NCAN: variants seen among roughly 807,000 people sequenced by gnomAD.
The protein encoded by NCAN is neurocan.
NCAN carries 47 observed loss-of-function variants against 121.8 expected under a neutral mutation model. The ratio of observed to expected loss-of-function variants is 0.39; its 90% CI spans 0.31 to 0.49. NCAN has a LOEUF of 0.49. Ranked by LOEUF, NCAN falls within the 20% of genes least tolerant of loss-of-function variation. NCAN has a pLI of 0.92. For synonymous variants in NCAN, 633 were observed against 702.0 expected, an observed-to-expected ratio of 0.90 and a Z score of 1.55; for missense variants, 1,517 against 1,773.4, an observed-to-expected ratio of 0.86 and a Z score of 2.60.
rs1159157202 is a variant in NCAN, at chr19:19,228,145, G to A, written c.2525G>A (p.Gly842Glu). ...TVTPAPSDASGIWEPGSQVFE... is the reference protein window; with the variant it reads ...TVTPAPSDASEIWEPGSQVFE... ...ACGCCGGCCCCCAGTGATGCTAGTG[G>A]AATTTGGGAACCTGGATCCCAGGTG... Residue 842 changes from glycine to glutamate, a missense_variant, in exon 8 of 15, where the codon GGA becomes GAA. Transcript: ENST00000252575. 10 of 1,613,672 alleles carry A rather than the reference G, an allele frequency of 6.2e-6. No individual in the cohort carries two copies. Among genetic ancestry groups the A allele is most frequent in the Non-Finnish European group, 7.6e-6 (9 of 1,180,046 alleles).
At position 19,227,743 on chromosome 19, in the gene NCAN, C is replaced by A. The variant is rs1568597575; in HGVS notation, c.2123C>A (p.Thr708Asn). ...PESPRADFRE[T>N]GETSPAQVNK... Reference sequence around the variant, plus strand: ...TCCCCCAGGGCAGACTTCAGAGAAACTGGGGAGACCAGCCCTGCTCAGGTC... The same window carrying A: ...TCCCCCAGGGCAGACTTCAGAGAAAATGGGGAGACCAGCCCTGCTCAGGTC... The change falls in exon 8 of 15, where the codon ACT becomes AAT. Residue 708 changes from threonine (T) to asparagine (N), a missense_variant. Coordinates refer to ENST00000252575, the MANE Select transcript of NCAN (RefSeq NM_004386.3). This position sits in a 1 kb window ranked among gnomAD's most constrained non-coding sequence, Gnocchi z 4.2. The A allele has an allele frequency of 6.2e-7, 1 of 1,613,862 alleles. No homozygotes were observed. Among genetic ancestry groups the A allele is most frequent in the Non-Finnish European group, 8.5e-7 (1 of 1,180,030 alleles).
Position 19,242,387 on chromosome 19 carries a change from TCAAA to T in NCAN, c.3492+1707_3492+1710del, listed in dbSNP as rs904887173. ...CTGGGTGACAGAGCAAGACCCTGTC[TCAAA>T]CAAAACAAAACAGGCCAGGCGTGGT... On this transcript the variant is annotated intron_variant, in intron 12 of 14. Transcript: ENST00000252575. Among the ~76,000 whole-genome samples, 102 of 151,542 alleles carry T rather than the reference TCAAA, an allele frequency of 6.7e-4. 1 individual carries two copies. The highest frequency in any genetic ancestry group is 2.3e-3 in the African/African-American group (96 of 41,278).
Position 19,225,050 on chromosome 19 carries a change from T to G in NCAN, c.852T>G (p.Gly284=), listed in dbSNP as rs1599811785. 1 of 1,510,658 alleles carries G rather than the reference T, an allele frequency of 6.6e-7. No homozygotes were observed. Among genetic ancestry groups the G allele is most frequent in the East Asian group, 2.6e-5 (1 of 38,352 alleles). The allele number at this position is 1,510,658 out of a possible 1,614,324, so 93.6% of individuals were successfully genotyped here. Residue 284 remains glycine (G), a synonymous_variant, in exon 6 of 15, where the codon GGT becomes GGG. Transcript: ENST00000252575. This position sits in a 1 kb window ranked among gnomAD's most constrained non-coding sequence, Gnocchi z 4.0. The part of the protein sequence containing the change: ...AGARAQCRRQ[G]AALASVGQLH... ...CGCGTGCACAGTGCCGCCGCCAGGGTGCCGCGCTGGCCTCGGTGGGACAGC... is the reference window on the plus strand; with the variant it reads ...CGCGTGCACAGTGCCGCCGCCAGGGGGCCGCGCTGGCCTCGGTGGGACAGC...
intron 8 of NCAN, among the ~76,000 whole-genome samples, chr19:19,231,633 A>G (rs1318186966): frequency 1.3e-5 from 2 of 151,974 alleles, no homozygotes; most frequent in East Asian, 3.9e-4. Context: ...TGGCCGGAAA[A>G]CAGAGCTTCT....
intron 3 of NCAN, among the ~76,000 whole-genome samples, chr19:19,223,411 G>C (rs759363913): frequency 3.3e-5 from 5 of 152,020 alleles, no homozygotes; most frequent in Non-Finnish European, 4.4e-5. Context: ...TCCTCCTCTA[G>C]AACAATCAGA....
chr19:19,243,996 A>G (rs1396485489), intron 12 of NCAN, among the ~76,000 whole-genome samples: 1 of 152,154 alleles, frequency 6.6e-6, no homozygotes, highest in African/African-American at 2.4e-5. Context: ...GCACCACTAC[A>G]CTCCAGCCTG....
chr19:19,251,411 T>C lies in NCAN; in HGVS notation c.*1500T>C, dbSNP rs922818506. 1.3e-5 allele frequency: 2 copies of C among 152,232 alleles called. No individual in the cohort carries two copies. Among genetic ancestry groups the C allele is most frequent in the Non-Finnish European group, 2.9e-5 (2 of 68,044 alleles). 9.4% of individuals were successfully genotyped at this position (152,232 alleles called of 1,614,324 possible). A position where few individuals can be genotyped will look rare whatever the true frequency, so the allele number is the denominator to read the frequency against. On this transcript the variant is annotated 3_prime_UTR_variant, in exon 15 of 15. Transcript: ENST00000252575. ...AGCCCATTGACTTAGAAACTGTTAC[T>C]TTCCCATTTTACACACAGTGAAACT...
chr19:19,245,266 C>A, intron 12 of NCAN, 47 bp from the exon 13 acceptor site: 1 of 1,603,186 alleles, frequency 6.2e-7, no homozygotes, highest in South Asian at 1.1e-5. Flanking sequence ...AGAACCTGGG[C>A]TGGAACAGAG....
intron 11 of NCAN, among the ~76,000 whole-genome samples, chr19:19,239,439 C>T (rs1297566193): frequency 2.3e-5 from 3 of 130,192 alleles, no homozygotes; most frequent in Non-Finnish European, 3.3e-5. Context: ...TCCCTCTTCC[C>T]CATCCTCCCT....
intron 3 of NCAN, among the ~76,000 whole-genome samples, chr19:19,222,151 C>T (rs188766463): frequency 3.3e-5 from 5 of 152,296 alleles, no homozygotes; most frequent in Non-Finnish European, 7.3e-5. Flanking sequence ...GTCAACCAGT[C>T]ATCCCCTTTC....
chr19:19,226,578 G>C lies in NCAN; in HGVS notation c.1165G>C (p.Glu389Gln), dbSNP rs1317147156. 6.2e-7 allele frequency: 1 copy of C among 1,613,696 alleles called. No individual in the cohort carries two copies. Among genetic ancestry groups the C allele is most frequent in the African/African-American group, 1.3e-5 (1 of 74,926 alleles). Residue 389 changes from glutamate to glutamine, a missense_variant, in exon 7 of 15, where the codon GAA becomes CAA. Coordinates refer to ENST00000252575, the MANE Select transcript of NCAN (RefSeq NM_004386.3). ...ILSAEGPPVR[E>Q]LEPTLEEEEV... ...GTCAGCAGAGGGGCCCCCAGTTAGAGAACTGGAGCCCACCCTGGAGGAGGA... is the reference window on the plus strand; with the variant it reads ...GTCAGCAGAGGGGCCCCCAGTTAGACAACTGGAGCCCACCCTGGAGGAGGA...
chr19:19,227,779 A>C lies in NCAN; in HGVS notation c.2159A>C (p.Glu720Ala). ...ETSPAQVNKA[E>A]HSSSSPWPSV... ...AGCCCTGCTCAGGTCAACAAAGCTG[A>C]GCACTCCAGCTCCAGCCCATGGCCT... The change falls in exon 8 of 15, where the codon GAG becomes GCG. Residue 720 changes from glutamate to alanine, a missense_variant. Glu to Ala is a moderately radical substitution (Grantham distance 107). Coordinates refer to ENST00000252575, the MANE Select transcript of NCAN (RefSeq NM_004386.3). The surrounding 1 kb of genome is among the most constrained non-coding windows in gnomAD (Gnocchi z 4.2). 1 of 1,613,684 alleles carries C rather than the reference A, an allele frequency of 6.2e-7. No homozygotes were observed. The highest frequency in any genetic ancestry group is 8.5e-7 in the Non-Finnish European group (1 of 1,180,002).
At chr19:19,239,246 C>T (rs943259745) in intron 11 of NCAN, among the ~76,000 whole-genome samples, 7 of 151,988 alleles carry the variant, frequency 4.6e-5, no homozygotes, top group Non-Finnish European at 7.4e-5. Flanking sequence ...CCATGCCTCA[C>T]CCCCCTAAAA....
chr19:19,245,548 G>C (rs552212379), intron 13 of NCAN, 91 bp downstream of exon 13: 2 of 1,437,952 alleles, frequency 1.4e-6, no homozygotes, highest in East Asian at 4.8e-5. Flanking sequence ...CATAATCATG[G>C]CTCATCACAG....
chr19:19,226,863 A>G lies in NCAN; in HGVS notation c.1450A>G (p.Lys484Glu). 6.2e-7 allele frequency: 1 copy of G among 1,612,956 alleles called. No individual in the cohort carries two copies. Among genetic ancestry groups the G allele is most frequent in the Non-Finnish European group, 8.5e-7 (1 of 1,179,816 alleles). Reference protein sequence around the residue: ...DPMPRRRGRFKGLNGRYFQQQ... With the variant: ...DPMPRRRGRFEGLNGRYFQQQ... ...TATGCCTAGGAGAAGGGGGCGCTTC[A>G]AAGGGTTGAATGGGCGCTACTTCCA... The change falls in exon 7 of 15, where the codon AAA becomes GAA. Residue 484 changes from lysine (K) to glutamate (E), a missense_variant. By Grantham distance (56) the Lys-to-Glu change is moderately conservative. Coordinates refer to ENST00000252575, the MANE Select transcript of NCAN (RefSeq NM_004386.3).
intron 5 of NCAN, 30 bp from the exon 6 acceptor site, chr19:19,224,947 C>A (rs2060829871): frequency 7.3e-7 from 1 of 1,375,644 alleles, no homozygotes; most frequent in African/African-American, 1.5e-5. Flanking sequence ...GTTCCCCAGC[C>A]CCCCTGACCT....
intron 8 of NCAN, 95 bp downstream of exon 8, chr19:19,228,734 C>G: frequency 2.2e-6 from 3 of 1,381,782 alleles, no homozygotes; most frequent in Non-Finnish European, 2.9e-6. Flanking sequence ...GAATGGTTGT[C>G]CCTGGGGATC....
chr19:19,231,696 T>G (rs1261032979), intron 8 of NCAN, among the ~76,000 whole-genome samples: 2 of 152,004 alleles, frequency 1.3e-5, no homozygotes, highest in Non-Finnish European at 2.9e-5. Flanking sequence ...AAAAAGTACA[T>G]GAGGCCGGGC....
chr19:19,243,308 G>A (rs2060910538), intron 12 of NCAN, among the ~76,000 whole-genome samples: 1 of 151,774 alleles, frequency 6.6e-6, no homozygotes, highest in Admixed American at 6.6e-5. Context: ...ACAAGGTCAG[G>A]AGTTCAAGAC....
Sources: gnomAD v4.1 joint callset for allele counts (sites outside exome capture counted in the v4.1 genomes callset) on GRCh38, gnomAD v4.1.1 for gene constraint, Gnocchi (gnomAD v3.1) non-coding constraint, MANE v1.5 for transcripts, NCBI Gene and HGNC (gene_info 2026-07-23, HGNC 2026-07-21) for gene names.